Variants in ROBO1 observed in about 807,000 individuals in gnomAD.
ROBO1 encodes roundabout guidance receptor 1, also known as roundabout homolog 1.
ROBO1 carries 149 observed loss-of-function variants against 195.9 expected under a neutral mutation model. That is an observed-to-expected ratio of 0.76 (90% CI 0.67 to 0.87). The LOEUF is 0.87. ROBO1 is among the 40% of genes least tolerant of loss of function. The pLI is 0.00. For synonymous variants in ROBO1, 816 were observed against 733.2 expected, an observed-to-expected ratio of 1.11 and a Z score of -1.82; for missense variants, 1,933 against 2,068.3, an observed-to-expected ratio of 0.93 and a Z score of 1.27.
At chr3:79,496,333 A>T (rs757841826) in intron 2 of ROBO1, among the ~76,000 whole-genome samples, 34 of 141,894 alleles carry the variant, frequency 2.4e-4, no homozygotes, top group Non-Finnish European at 4.0e-4. Flanking sequence ...ATTTGACAAT[A>T]AAAAAAAACA....
At chr3:79,390,784 T>C (rs2036917740) in intron 2 of ROBO1, among the ~76,000 whole-genome samples, 1 of 151,966 alleles carries the variant, frequency 6.6e-6, no homozygotes, top group South Asian at 2.1e-4. Context: ...AAAAATGTAG[T>C]AAAAATTGGC....
At chr3:78,712,751 T>C (rs369188353) in intron 8 of ROBO1, among the ~76,000 whole-genome samples, 1 of 152,178 alleles carries the variant, frequency 6.6e-6, no homozygotes, top group Admixed American at 6.5e-5. Context: ...AAGATTTCCA[T>C]ACGGAAAACT....
At chr3:78,903,025 T>C (rs931900251) in intron 4 of ROBO1, among the ~76,000 whole-genome samples, 9 of 152,242 alleles carry the variant, frequency 5.9e-5, no homozygotes, top group Non-Finnish European at 1.2e-4. Flanking sequence ...TGCTTGTTTA[T>C]AAATACAGAG....
At chr3:79,294,905 C>T (rs1303671756) in intron 2 of ROBO1, among the ~76,000 whole-genome samples, 1 of 152,190 alleles carries the variant, frequency 6.6e-6, no homozygotes, top group East Asian at 1.9e-4. Context: ...GAGATACCAT[C>T]TCACGCCAGT....
chr3:78,917,625 C>T lies in ROBO1; in HGVS notation c.499+20976G>A, dbSNP rs185181220. Among the ~76,000 whole-genome samples, 537 of 152,096 alleles carry T rather than the reference C, an allele frequency of 3.5e-3. 1 individual carries two copies. The highest frequency in any genetic ancestry group is 5.6e-3 in the Non-Finnish European group (383 of 67,986). On this transcript the variant is annotated intron_variant, in intron 4 of 30. Coordinates refer to ENST00000464233, the MANE Select transcript of ROBO1 (RefSeq NM_002941.4). Reference sequence around the variant, plus strand: ...TCAGCTATAATAAAGAAAAAGAAGGCATACTTAAGAAAGAACTAAAACTGC... The same window carrying T: ...TCAGCTATAATAAAGAAAAAGAAGGTATACTTAAGAAAGAACTAAAACTGC...
At chr3:79,004,690 A>G (rs1201369489) in intron 3 of ROBO1, among the ~76,000 whole-genome samples, 2 of 152,186 alleles carry the variant, frequency 1.3e-5, no homozygotes, top group Non-Finnish European at 2.9e-5. Flanking sequence ...TAGACAGTGT[A>G]TCCCCAAATA....
intron 4 of ROBO1, among the ~76,000 whole-genome samples, chr3:78,761,397 G>T (rs1251667748): frequency 6.6e-6 from 1 of 151,846 alleles, no homozygotes; most frequent in Non-Finnish European, 1.5e-5. Flanking sequence ...AATGTATAAG[G>T]TTTTACTTCT....
intron 1 of ROBO1, among the ~76,000 whole-genome samples, chr3:79,754,935 C>A (rs546827656): frequency 6.6e-6 from 1 of 152,246 alleles, no homozygotes; most frequent in Admixed American, 6.5e-5. Context: ...GGCTGGAGTG[C>A]AATGGTGTGA....
intron 1 of ROBO1, among the ~76,000 whole-genome samples, chr3:79,665,897 C>G (rs1946463115): frequency 6.6e-6 from 1 of 151,792 alleles, no homozygotes; most frequent in Non-Finnish European, 1.5e-5. Context: ...GGAATCATCA[C>G]TGTTGGGACA....
chr3:78,665,830 A>G (rs1707699326), intron 14 of ROBO1, among the ~76,000 whole-genome samples: 1 of 152,142 alleles, frequency 6.6e-6, no homozygotes, highest in African/African-American at 2.4e-5. Context: ...TTAAAAAAAA[A>G]AAGTCTTTGA....
intron 4 of ROBO1, among the ~76,000 whole-genome samples, chr3:78,850,754 A>G (rs1279734071): frequency 6.6e-6 from 1 of 152,124 alleles, no homozygotes; most frequent in African/African-American, 2.4e-5. Context: ...GTACCACTCA[A>G]TGCAGTAAAT....
chr3:79,666,381 T>C (rs746847675), intron 1 of ROBO1, among the ~76,000 whole-genome samples: 1 of 152,012 alleles, frequency 6.6e-6, no homozygotes, highest in South Asian at 2.1e-4. Context: ...AGTTATTCAT[T>C]TACCTTCTCT....
intron 2 of ROBO1, among the ~76,000 whole-genome samples, chr3:79,175,725 A>G (rs1191057280): frequency 6.6e-6 from 1 of 152,210 alleles, no homozygotes; most frequent in East Asian, 1.9e-4. Context: ...ATATTTGGCC[A>G]TGTGACATAT....
chr3:78,889,628 G>A (rs1165803925), intron 4 of ROBO1, among the ~76,000 whole-genome samples: 1 of 151,480 alleles, frequency 6.6e-6, no homozygotes, highest in African/African-American at 2.4e-5. Flanking sequence ...GACAATATGG[G>A]GTTTTGATTC....
intron 2 of ROBO1, among the ~76,000 whole-genome samples, chr3:79,436,795 A>G (rs2038904502): frequency 6.6e-6 from 1 of 152,078 alleles, no homozygotes; most frequent in African/African-American, 2.4e-5. Flanking sequence ...ATATCAAAAA[A>G]GGCATTGTAA....
At chr3:79,728,065 A>G (rs984154523) in intron 1 of ROBO1, among the ~76,000 whole-genome samples, 2 of 152,132 alleles carry the variant, frequency 1.3e-5, no homozygotes, top group Admixed American at 6.6e-5. Context: ...TTGTTATGTC[A>G]GAAGGCACAC....
At chr3:78,684,204 G>A (rs145986235) in intron 10 of ROBO1, among the ~76,000 whole-genome samples, 3 of 152,064 alleles carry the variant, frequency 2.0e-5, no homozygotes, top group Non-Finnish European at 2.9e-5. Context: ...CTATTTATGA[G>A]ATGGAATACT....
At chr3:79,225,191 AT>A in intron 2 of ROBO1, among the ~76,000 whole-genome samples, 1 of 152,290 alleles carries the variant, frequency 6.6e-6, no homozygotes, top group Non-Finnish European at 1.5e-5. Context: ...ATAAAAAAAA[AT>A]CCCCAGCCAT....
intron 2 of ROBO1, among the ~76,000 whole-genome samples, chr3:79,295,476 T>A (rs1171916528): frequency 6.6e-6 from 1 of 152,026 alleles, no homozygotes; most frequent in Non-Finnish European, 1.5e-5. Context: ...AGGAATAGCA[T>A]TAGGAGAAAT....
Sources: allele counts gnomAD v4.1 joint callset (sites outside exome capture counted in the v4.1 genomes callset), GRCh38; gene constraint gnomAD v4.1.1; transcripts MANE v1.5; gene names NCBI Gene and HGNC (gene_info 2026-07-23, HGNC 2026-07-21).